IYD: variants seen among roughly 807,000 people sequenced by gnomAD.
IYD encodes the protein iodotyrosine deiodinase 1.
A neutral mutation model predicts 28.4 loss-of-function variants in IYD; 25 were observed. The observed-to-expected ratio is 0.88, with a 90% CI of 0.64 to 1.23. The LOEUF is 1.23. IYD is among the 50% of genes most tolerant of loss of function. The pLI, the probability that IYD is intolerant of heterozygous loss-of-function variation, is 0.00. For missense variants in IYD, 352 were observed against 357.9 expected, an observed-to-expected ratio of 0.98 and a Z score of 0.13; for synonymous variants, 140 against 130.8, an observed-to-expected ratio of 1.07 and a Z score of -0.48.
At chr6:150,392,942 T>C (rs1416191178) in intron 3 of IYD, among the ~76,000 whole-genome samples, 4 of 152,118 alleles carry the variant, frequency 2.6e-5, no homozygotes, top group Non-Finnish European at 5.9e-5. Context: ...TGGAGGGGAA[T>C]TCAGTGTAAG....
rs1777152875 is a variant in IYD at position 150,369,829 on chromosome 6, C to T, written c.178+620C>T. ...GGGAGGATGAATAGGGTACAAATAG[C>T]AAGTGCTGGGAGGCCTGTCAGGCAA... On this transcript the variant is annotated intron_variant, in intron 1 of 4. Transcript: ENST00000344419. The T allele has an allele frequency of 8.0e-6, 5 of 624,504 alleles. No homozygotes were observed. The East Asian group carries it at 1.4e-4, about 17-fold the overall frequency. The allele number at this position is 624,504 out of a possible 1,614,324, so 38.7% of individuals were successfully genotyped here.
At chr6:150,393,158 C>G (rs905705753) in intron 3 of IYD, among the ~76,000 whole-genome samples, 2 of 152,152 alleles carry the variant, frequency 1.3e-5, no homozygotes. Context: ...TGTATTTTAA[C>G]TATTTTCACC....
At position 150,398,187 on chromosome 6, in the gene IYD, G is replaced by T. The variant is rs1221922233; in HGVS notation, c.820G>T (p.Val274Leu). The stretch of plus-strand genomic sequence containing the variant: ...GGGGTACCCCAGCAAGGAGGCCACG[G>T]TGCCTGACCTCAAGCGCAAACCTCT... ...PVGYPSKEATVPDLKRKPLDQ... is the reference protein window; with the variant it reads ...PVGYPSKEATLPDLKRKPLDQ... The change falls in exon 5 of 5, where the codon GTG becomes TTG. Residue 274 changes from valine to leucine, a missense_variant. By Grantham distance (32) the Val-to-Leu change is conservative. Coordinates refer to ENST00000344419, the MANE Select transcript of IYD (RefSeq NM_203395.3). 1 of 1,614,190 alleles carries T rather than the reference G, an allele frequency of 6.2e-7. No homozygotes were observed. Among genetic ancestry groups the T allele is most frequent in the Non-Finnish European group, 8.5e-7 (1 of 1,180,042 alleles).
intron 1 of IYD, chr6:150,369,862 C>T (rs747237361): frequency 8.1e-5 from 53 of 654,984 alleles, no homozygotes; most frequent in Non-Finnish European, 1.4e-4. Context: ...CAACAAGGAG[C>T]CAAAGGAGCA....
Position 150,369,060 on chromosome 6 carries a change from C to A in IYD, c.29C>A (p.Ala10Asp). 1 of 1,613,990 alleles carries A rather than the reference C, an allele frequency of 6.2e-7. No homozygotes were observed. The highest frequency in any genetic ancestry group is 8.5e-7 in the Non-Finnish European group (1 of 1,179,988). ...TATTTCCTGACTCCCATCTTGGTAG[C>A]CATTCTCTGCATTTTGGTTGTGTGG... MYFLTPILVAILCILVVWIF... is the reference protein window; with the variant it reads MYFLTPILVDILCILVVWIF... The change falls in exon 1 of 5, where the codon GCC (alanine) becomes GAC (aspartate). Residue 10 changes from alanine to aspartate, a missense_variant. Transcript: ENST00000344419.
intron 1 of IYD, among the ~76,000 whole-genome samples, chr6:150,387,241 T>A (rs1203070979): frequency 6.6e-6 from 1 of 151,974 alleles, no homozygotes; most frequent in Non-Finnish European, 1.5e-5. Context: ...AATCACATTT[T>A]TCCCCTTGTA....
intron 1 of IYD, chr6:150,369,870 G>T (rs1324217233): frequency 1.5e-6 from 1 of 668,358 alleles, no homozygotes. Flanking sequence ...AGCCAAAGGA[G>T]CAGAAGCACC....
At chr6:150,371,641 T>C (rs1324826921) in intron 1 of IYD, among the ~76,000 whole-genome samples, 2 of 152,178 alleles carry the variant, frequency 1.3e-5, no homozygotes, top group African/African-American at 2.4e-5. Flanking sequence ...ATGCTTTGCC[T>C]CTTCATTCTC....
At chr6:150,386,366 G>GT (rs1249039679) in intron 1 of IYD, among the ~76,000 whole-genome samples, 1 of 149,620 alleles carries the variant, frequency 6.7e-6, no homozygotes, top group Non-Finnish European at 1.5e-5. Context: ...TATTTTGTTT[G>GT]TTTTTTTCAG....
At chr6:150,390,174 C>A (rs1778058625) in intron 2 of IYD, among the ~76,000 whole-genome samples, 1 of 152,118 alleles carries the variant, frequency 6.6e-6, no homozygotes, top group Non-Finnish European at 1.5e-5. Context: ...CTTACATAAA[C>A]CATATTTAAG....
At chr6:150,380,869 C>T (rs694489) in intron 1 of IYD, among the ~76,000 whole-genome samples, 1 of 151,852 alleles carries the variant, frequency 6.6e-6, no homozygotes, top group East Asian at 1.9e-4. Flanking sequence ...TCCCTTTGGG[C>T]TCCCCTCCCC....
chr6:150,376,430 G>T (rs59512391), intron 1 of IYD, among the ~76,000 whole-genome samples: 1 of 152,076 alleles, frequency 6.6e-6, no homozygotes. Flanking sequence ...ATGACTTTCA[G>T]GGAAAATGAA....
At chr6:150,388,173 A>G (rs1777948485) in intron 1 of IYD, among the ~76,000 whole-genome samples, 1 of 152,226 alleles carries the variant, frequency 6.6e-6, no homozygotes, top group Admixed American at 6.5e-5. Flanking sequence ...AGTTTGAGGC[A>G]AGACTCATCA....
At chr6:150,372,070 C>T (rs1777261066) in intron 1 of IYD, among the ~76,000 whole-genome samples, 1 of 152,158 alleles carries the variant, frequency 6.6e-6, no homozygotes, top group South Asian at 2.1e-4. Flanking sequence ...GTGTTGTTGA[C>T]TGCAAATAGA....
chr6:150,398,259 G>A lies in IYD; in HGVS notation c.*22G>A, dbSNP rs756585423. ...GTAGGCAGGGCCCCCCAAGGGAGTG[G>A]CAGGGAGATGGCGCCCCTGCTTTTC... On this transcript the variant is annotated 3_prime_UTR_variant, in exon 5 of 5. Transcript: ENST00000344419. 5.0e-6 allele frequency: 8 copies of A among 1,612,356 alleles called. No individual in the cohort carries two copies. The highest frequency in any genetic ancestry group is 2.2e-5 in the East Asian group (1 of 44,870).
chr6:150,392,261 A>G, intron 2 of IYD, 84 bp from the exon 3 acceptor site: 1 of 1,603,602 alleles, frequency 6.2e-7, no homozygotes, highest in African/African-American at 1.3e-5. Flanking sequence ...AAGTGCTTGG[A>G]CTACAGGGAT....
At chr6:150,389,564 T>A in intron 2 of IYD, 21 bp downstream of exon 2, 1 of 1,603,602 alleles carries the variant, frequency 6.2e-7, no homozygotes, top group Non-Finnish European at 8.5e-7. Context: ...GCAGATGGGG[T>A]CTTTGGAAAT....
chr6:150,396,334 A>G, intron 4 of IYD: 1 of 449,248 alleles, frequency 2.2e-6, no homozygotes, highest in Non-Finnish European at 3.9e-6. Context: ...TGAGGATTCC[A>G]GTTAAAAAAA....
chr6:150,400,459 A>T lies in IYD; in HGVS notation c.*2222A>T, dbSNP rs1252864633. On this transcript the variant is annotated 3_prime_UTR_variant, in exon 5 of 5. Transcript: ENST00000344419. The stretch of plus-strand genomic sequence containing the variant: ...TTAAGTGTTCCTGCTGGGATGAATT[A>T]TGAAGTATTCCTTCCAAAGATGTCA... The T allele has an allele frequency of 1.3e-5, 2 of 152,224 alleles. No homozygotes were observed. Among genetic ancestry groups the T allele is most frequent in the East Asian group, 3.8e-4 (2 of 5,198 alleles). 9.4% of individuals were successfully genotyped at this position (152,224 alleles called of 1,614,324 possible).
Sources: allele counts gnomAD v4.1 joint callset (sites outside exome capture counted in the v4.1 genomes callset), GRCh38; gene constraint gnomAD v4.1.1; transcripts MANE v1.5; gene names NCBI Gene and HGNC (gene_info 2026-07-23, HGNC 2026-07-21).